Variants in SV2A observed in about 807,000 individuals in gnomAD.
The protein encoded by SV2A is synaptic vesicle glycoprotein 2A.
In SV2A, 25 loss-of-function variants were observed where a neutral mutation model predicts 78.0. That is an observed-to-expected ratio of 0.32 (90% CI 0.23 to 0.45). The LOEUF (loss-of-function observed/expected upper bound fraction) is 0.45. Ranked by LOEUF, SV2A falls within the 20% of genes least tolerant of loss-of-function variation. The pLI, the probability that SV2A is intolerant of heterozygous loss-of-function variation, is 1.00. For synonymous variants in SV2A, 355 were observed against 384.7 expected, an observed-to-expected ratio of 0.92 and a Z score of 0.90; for missense variants, 752 against 971.5, an observed-to-expected ratio of 0.77 and a Z score of 3.00.
intron 11 of SV2A, 96 bp from the exon 12 acceptor site, chr1:149,906,135 G>C: frequency 6.9e-7 from 1 of 1,459,470 alleles, no homozygotes; most frequent in Non-Finnish European, 9.3e-7. Context: ...AGATAGCCCA[G>C]GATGAGACTT....
At chr1:149,915,745 C>T (rs1184234852) in intron 1 of SV2A, among the ~76,000 whole-genome samples, 1 of 151,992 alleles carries the variant, frequency 6.6e-6, no homozygotes, top group Admixed American at 6.6e-5. Flanking sequence ...GGTGTCCCCC[C>T]AAAAAAGACA....
Position 149,913,635 on chromosome 1 carries a change from TCTC to T in SV2A, c.203_205del (p.Gly68del), listed in dbSNP as rs200728777. On this transcript the variant is annotated inframe_deletion, in exon 2 of 13. Coordinates refer to ENST00000369146, the MANE Select transcript of SV2A (RefSeq NM_014849.5). The stretch of plus-strand genomic sequence containing the variant: ...ACCTTCCTCCTCATCCTGGGTCCCT[TCTC>T]CTCGGTAATAACCATCACTGGGAGC... 4.2e-4 allele frequency: 680 copies of T among 1,614,016 alleles called. 1 individual carries two copies. In the African/African-American group the frequency reaches 8.0e-3, roughly 19 times the overall value.
In SV2A at chr1:149,917,686, G is replaced by T. The variant is rs1237587567; in HGVS notation, c.-348+53C>A. The T allele has an allele frequency of 2.0e-5, 3 of 152,264 alleles. No homozygotes were observed. The East Asian group carries it at 5.8e-4, about 29-fold the overall frequency. The allele number at this position is 152,264 out of a possible 1,614,324, so 9.4% of individuals were successfully genotyped here. ...TAAAATGGCTGCAAGGCAAGGCAAAGATGCTTCTGCCAGGGGCGGGGAGGA... is the reference window on the plus strand; with the variant it reads ...TAAAATGGCTGCAAGGCAAGGCAAATATGCTTCTGCCAGGGGCGGGGAGGA... On this transcript the variant is annotated intron_variant, in intron 1 of 12. Coordinates refer to ENST00000369146, the MANE Select transcript of SV2A (RefSeq NM_014849.5).
chr1:149,909,346 T>A (rs929277437), intron 7 of SV2A, 66 bp from the exon 8 acceptor site: 3 of 1,583,940 alleles, frequency 1.9e-6, no homozygotes, highest in Non-Finnish European at 2.6e-6. Flanking sequence ...GATCCCCACT[T>A]TTCTGCCCTC....
chr1:149,909,671 G>A, intron 6 of SV2A, 100 bp from the exon 7 acceptor site: 1 of 1,431,546 alleles, frequency 7.0e-7, no homozygotes, highest in African/African-American at 1.4e-5. Context: ...GGAGGCAGGA[G>A]GTGGATATGA....
At chr1:149,906,936 T>G (rs587718159) in intron 10 of SV2A, 80 bp from the exon 11 acceptor site, 1 of 1,565,428 alleles carries the variant, frequency 6.4e-7, no homozygotes, top group Non-Finnish European at 8.7e-7. Context: ...CTCAGGGCTC[T>G]GCATGTATGA....
Position 149,903,898 on chromosome 1 carries a change from C to CT in SV2A, c.*1115dup, listed in dbSNP as rs1553762277. 1 of 152,974 alleles carries CT rather than the reference C, an allele frequency of 6.5e-6. No individual in the cohort carries two copies. Among genetic ancestry groups the CT allele is most frequent in the African/African-American group, 2.4e-5 (1 of 41,452 alleles). The allele number at this position is 152,974 out of a possible 1,614,324, so 9.5% of individuals were successfully genotyped here. The stretch of plus-strand genomic sequence containing the variant: ...GGGTCCCTCACTCACTGCCCAACCT[C>CT]TCCCCACTCAGAGGAGCTGCCAGGA... On this transcript the variant is annotated 3_prime_UTR_variant, in exon 13 of 13. Transcript: ENST00000369146.
chr1:149,907,662 A>G, intron 10 of SV2A, 38 bp downstream of exon 10: 2 of 1,600,622 alleles, frequency 1.2e-6, no homozygotes, highest in Non-Finnish European at 1.7e-6. Flanking sequence ...GGTCCACCCA[A>G]CCCTTTGGTC....
intron 3 of SV2A, 145 bp downstream of exon 3, chr1:149,911,655 G>C (rs782524970): frequency 8.3e-6 from 7 of 844,670 alleles, no homozygotes; most frequent in Non-Finnish European, 1.3e-5. Flanking sequence ...GAAGATGGCT[G>C]GGGGAGAAAG....
chr1:149,909,267 A>C lies in SV2A; in HGVS notation c.1304T>G (p.Phe435Cys). 3.1e-6 allele frequency: 5 copies of C among 1,614,058 alleles called. No homozygotes were observed. Among genetic ancestry groups the C allele is most frequent in the Non-Finnish European group, 4.2e-6 (5 of 1,179,994 alleles). Residue 435 changes from phenylalanine (F) to cysteine (C), a missense_variant, in exon 8 of 13, where the codon TTT (phenylalanine) becomes TGT (cysteine). Transcript: ENST00000369146. ...LSLGGQVWGNFLSCFGPEYRR... is the reference protein window; with the variant it reads ...LSLGGQVWGNCLSCFGPEYRR... ...ATATTCGGGACCAAAACAGGAGAGA[A>C]AATTCCCCCAAACCTACAGGGGACC...
At position 149,904,314 on chromosome 1, in the gene SV2A, G is replaced by T. The variant is rs1187243732; in HGVS notation, c.*700C>A. 1 of 152,858 alleles carries T rather than the reference G, an allele frequency of 6.5e-6. No individual in the cohort carries two copies. The highest frequency in any genetic ancestry group is 1.5e-5 in the Non-Finnish European group (1 of 68,202). The allele number at this position is 152,858 out of a possible 1,614,324, so 9.5% of individuals were successfully genotyped here. A position where few individuals can be genotyped will look rare whatever the true frequency, so the allele number is the denominator to read the frequency against. On this transcript the variant is annotated 3_prime_UTR_variant, in exon 13 of 13. Transcript: ENST00000369146. ...TTGGCTTATATTTGAGGACAGTATAGTGATACCCCCCGCCCCATGGCACAT... is the reference window on the plus strand; with the variant it reads ...TTGGCTTATATTTGAGGACAGTATATTGATACCCCCCGCCCCATGGCACAT...
chr1:149,909,735 A>G (rs2092463421), intron 6 of SV2A, 66 bp downstream of exon 6: 2 of 1,568,292 alleles, frequency 1.3e-6, no homozygotes, highest in Admixed American at 1.7e-5. Context: ...GGGTACTCAG[A>G]GAGGGGCCAG....
At chr1:149,908,296 T>A in intron 8 of SV2A, 90 bp from the exon 9 acceptor site, 2 of 1,458,006 alleles carry the variant, frequency 1.4e-6, no homozygotes, top group Non-Finnish European at 1.9e-6. Context: ...CGGAAATGTG[T>A]ATCATCTCAG....
intron 12 of SV2A, chr1:149,905,456 C>CTT (rs782048028): frequency 2.2e-3 from 545 of 243,870 alleles, no homozygotes; most frequent in South Asian, 5.3e-3. Flanking sequence ...TTTTTTTTTC[C>CTT]TTTTTTTTTT....
Position 149,913,417 on chromosome 1 carries a change from G to A in SV2A, c.424C>T (p.Arg142Trp), listed in dbSNP as rs587596278. Residue 142 changes from arginine to tryptophan, a missense_variant, in exon 2 of 13, where the codon CGG (arginine) becomes TGG (tryptophan). Arg to Trp is a moderately radical substitution (Grantham distance 101). Transcript: ENST00000369146. Reference sequence around the variant, plus strand: ...TGGGCCAGTTCTTCTCGTTCTTTCCGTCGTTGTGCCTCCCCCCGGCCCCCA... The same window carrying A: ...TGGGCCAGTTCTTCTCGTTCTTTCCATCGTTGTGCCTCCCCCCGGCCCCCA... ...PPGGRGEAQR[R>W]KEREELAQQY... 61 of 1,614,022 alleles carry A rather than the reference G, an allele frequency of 3.8e-5. No individual in the cohort carries two copies. The highest frequency in any genetic ancestry group is 3.3e-4 in the East Asian group (15 of 44,832).
In SV2A at chr1:149,909,833, G is replaced by T. The variant is rs146579446; in HGVS notation, c.1147C>A (p.Arg383=). The change falls in exon 6 of 13, where the codon CGA becomes AGA. Residue 383 remains arginine (R), a synonymous_variant. Coordinates refer to ENST00000369146, the MANE Select transcript of SV2A (RefSeq NM_014849.5). ...ACTCGCTCAGGATGTCCTTTGGCTCGCATGTTGGTATCATGGACCTGCTTC... is the reference window on the plus strand; with the variant it reads ...ACTCGCTCAGGATGTCCTTTGGCTCTCATGTTGGTATCATGGACCTGCTTC... ...VLKQVHDTNM[R]AKGHPERVFS... The T allele has an allele frequency of 1.9e-6, 3 of 1,613,976 alleles. No homozygotes were observed. The highest frequency in any genetic ancestry group is 1.3e-5 in the African/African-American group (1 of 74,976).
chr1:149,908,166 G>T lies in SV2A; in HGVS notation c.1420C>A (p.His474Asn). 1 of 1,614,186 alleles carries T rather than the reference G, an allele frequency of 6.2e-7. No individual in the cohort carries two copies. Among genetic ancestry groups the T allele is most frequent in the Non-Finnish European group, 8.5e-7 (1 of 1,180,020 alleles). ...GATGCGTAGTCCACTGCCTGGAGAT[G>T]GCGGATCATGTCAGGAAACCAGACG... ...LTVWFPDMIR[H>N]LQAVDYASRT... Residue 474 changes from histidine (H) to asparagine (N), a missense_variant, in exon 9 of 13, where the codon CAT (histidine) becomes AAT (asparagine). Around this residue, in one of 7 missense-constraint regions of SV2A, gnomAD observed 81 missense variants for 74.2 expected, o/e 1.09. Transcript: ENST00000369146.
At chr1:149,912,890 G>A (rs2092484490) in intron 2 of SV2A, among the ~76,000 whole-genome samples, 1 of 151,464 alleles carries the variant, frequency 6.6e-6, no homozygotes, top group Non-Finnish European at 1.5e-5. Context: ...GATAACCAGA[G>A]GGAAAGCTAT....
Position 149,908,130 on chromosome 1 carries a change from C to T in SV2A, c.1456G>A (p.Val486Met), listed in dbSNP as rs782290455. Residue 486 changes from valine (V) to methionine (M), a missense_variant, in exon 9 of 13, where the codon GTG becomes ATG. Val to Met is a conservative substitution (Grantham distance 21, BLOSUM62 1). This residue lies in a region of SV2A where 81 missense variants were observed against 74.2 expected (regional missense o/e 1.09). Transcript: ENST00000369146. ...QAVDYASRTK[V>M]FPGERVEHVT... The stretch of plus-strand genomic sequence containing the variant: ...TGCTCTACGCGCTCCCCGGGGAACA[C>T]TTTGGTGCGGGATGCGTAGTCCACT... 3 of 1,614,202 alleles carry T rather than the reference C, an allele frequency of 1.9e-6. No homozygotes were observed. The highest frequency in any genetic ancestry group is 1.7e-6 in the Non-Finnish European group (2 of 1,180,046).
Sources: gnomAD v4.1 joint callset for allele counts (sites outside exome capture counted in the v4.1 genomes callset) on GRCh38, gnomAD v4.1.1 for gene constraint, gnomAD v4.1.1 regional missense constraint, MANE v1.5 for transcripts, NCBI Gene and HGNC (gene_info 2026-07-23, HGNC 2026-07-21) for gene names.